LAMA4: variants seen among roughly 807,000 people sequenced by gnomAD.
LAMA4 encodes laminin subunit alpha 4.
A neutral mutation model predicts 207.1 loss-of-function variants in LAMA4; 127 were observed. That is an observed-to-expected ratio of 0.61 (90% CI 0.53 to 0.71). The LOEUF (loss-of-function observed/expected upper bound fraction) is 0.71, where lower values mean the gene tolerates loss of function less well. LAMA4 is among the 30% of genes least tolerant of loss of function. LAMA4 has a pLI of 0.00. For missense variants in LAMA4, 2,093 were observed against 2,246.5 expected (o/e 0.93, Z 1.38); for synonymous variants, 761 against 816.0 (o/e 0.93, Z 1.15).
At chr6:112,177,475 G>C (rs1459044086) in intron 10 of LAMA4, among the ~76,000 whole-genome samples, 2 of 152,146 alleles carry the variant, frequency 1.3e-5, no homozygotes, top group Non-Finnish European at 2.9e-5. Context: ...GAAATCTGCT[G>C]TTTTCTGCTG....
At chr6:112,198,883 G>A (rs1223759416) in intron 5 of LAMA4, among the ~76,000 whole-genome samples, 1 of 152,156 alleles carries the variant, frequency 6.6e-6, no homozygotes, top group African/African-American at 2.4e-5. Flanking sequence ...TCTCATAACA[G>A]TTTTATGAGA....
At chr6:112,214,721 G>A (rs541126702) in intron 3 of LAMA4, among the ~76,000 whole-genome samples, 128 of 152,308 alleles carry the variant, frequency 8.4e-4, no homozygotes, top group Non-Finnish European at 1.4e-3. Context: ...TTCACTGAGT[G>A]CACATGTAAA....
chr6:112,220,411 A>G (rs974255798), intron 2 of LAMA4, among the ~76,000 whole-genome samples: 2 of 152,146 alleles, frequency 1.3e-5, no homozygotes, highest in Admixed American at 1.3e-4. Context: ...TTGTATGTGT[A>G]CTTGCCTAAT....
At chr6:112,202,717 C>G (rs1438569206) in intron 4 of LAMA4, among the ~76,000 whole-genome samples, 1 of 152,210 alleles carries the variant, frequency 6.6e-6, no homozygotes, top group East Asian at 1.9e-4. Flanking sequence ...AACATTCCAA[C>G]AGAATTACAT....
chr6:112,136,314 A>G (rs1779344679), intron 24 of LAMA4, 60 bp from the exon 25 acceptor site: 1 of 1,376,646 alleles, frequency 7.3e-7, no homozygotes, highest in African/African-American at 1.4e-5. Flanking sequence ...AGTCAGATTT[A>G]GCTGAATTTG....
At chr6:112,133,638 T>C in intron 26 of LAMA4, 151 bp from the exon 27 acceptor site, 1 of 995,816 alleles carries the variant, frequency 1.0e-6, no homozygotes, top group Admixed American at 2.0e-5. Context: ...CACACAGCAA[T>C]GTCTAATCTT....
Position 112,139,897 on chromosome 6 carries a change from A to G in LAMA4, c.2977-12T>C. ...AAGCTGGTAGGGAGCTATGCAATAG[A>G]AAAAGTAAAACCACTTGTCTCATGG... is the stretch of plus-strand genomic sequence containing the variant. On this transcript the variant is annotated splice_polypyrimidine_tract_variant and intron_variant, in intron 22 of 38. Transcript: ENST00000230538. 1 of 1,613,612 alleles carries G rather than the reference A, an allele frequency of 6.2e-7. No individual in the cohort carries two copies. The highest frequency in any genetic ancestry group is 8.5e-7 in the Non-Finnish European group (1 of 1,179,758).
At chr6:112,215,530 C>CT (rs11435641) in intron 3 of LAMA4, among the ~76,000 whole-genome samples, 67,328 of 152,022 alleles carry the variant, frequency 0.44, 16,992 homozygotes, top group African/African-American at 0.7. Flanking sequence ...TGGAAAACCT[C>CT]TTTTTGCCAG....
rs1781798259 is a variant in LAMA4 at position 112,172,785 on chromosome 6, G to A, written c.1377C>T (p.Ser459=). 1.9e-6 allele frequency: 3 copies of A among 1,613,820 alleles called. No homozygotes were observed. The African/African-American group carries it at 4.0e-5, about 22-fold the overall frequency. Reference sequence around the variant, plus strand: ...GGGTCTCATTGTGCAGCCGCTGCCAGCTCTCAGCCTGGCTCAGTACTGGGA... The same window carrying A: ...GGGTCTCATTGTGCAGCCGCTGCCAACTCTCAGCCTGGCTCAGTACTGGGA... ...EAYELLSQAE[S]WQRLHNETRT... The change falls in exon 12 of 39, where the codon AGC becomes AGT. Residue 459 remains serine, a synonymous_variant. Coordinates refer to ENST00000230538, the MANE Select transcript of LAMA4 (RefSeq NM_001105206.3).
chr6:112,208,709 A>G (rs782289748), intron 3 of LAMA4, among the ~76,000 whole-genome samples: 6 of 152,212 alleles, frequency 3.9e-5, no homozygotes, highest in Non-Finnish European at 7.3e-5. Flanking sequence ...ATTGAAATAT[A>G]ATATTAATAC....
Position 112,148,295 on chromosome 6 carries a change from C to T in LAMA4, c.2215G>A (p.Glu739Lys), listed in dbSNP as rs727504935. 9 of 1,614,050 alleles carry T rather than the reference C, an allele frequency of 5.6e-6. No homozygotes were observed. The highest frequency in any genetic ancestry group is 2.7e-5 in the African/African-American group (2 of 74,936). The change falls in exon 18 of 39, where the codon GAG becomes AAG. Residue 739 changes from glutamate to lysine, a missense_variant. Coordinates refer to ENST00000230538, the MANE Select transcript of LAMA4 (RefSeq NM_001105206.3). ...TCCATCGTCGTCCTGTTGGCTTCCT[C>T]GGTGATCAGTCTAGACTGCCCCAGG... Reference protein sequence around the residue: ...QRLGQSRLITEEANRTTMEVQ... With the variant: ...QRLGQSRLITKEANRTTMEVQ...
intron 5 of LAMA4, among the ~76,000 whole-genome samples, chr6:112,194,544 T>C (rs1263028746): frequency 1.3e-5 from 2 of 152,202 alleles, no homozygotes; most frequent in East Asian, 3.8e-4. Flanking sequence ...AAAATGAGCA[T>C]ACAAAAGTTT....
At chr6:112,144,761 G>T (rs79135869) in intron 19 of LAMA4, 33 bp downstream of exon 19, 3 of 1,609,610 alleles carry the variant, frequency 1.9e-6, no homozygotes. Context: ...TATTATTACC[G>T]CTGACTGACT....
In LAMA4 at chr6:112,187,521, G is replaced by A; in HGVS notation, c.895C>T (p.Leu299=). 2 of 1,614,122 alleles carry A rather than the reference G, an allele frequency of 1.2e-6. No homozygotes were observed. The highest frequency in any genetic ancestry group is 2.2e-5 in the East Asian group (1 of 44,852). The change falls in exon 8 of 39, where the codon CTG becomes TTG. Residue 299 remains leucine (L), a synonymous_variant. Coordinates refer to ENST00000230538, the MANE Select transcript of LAMA4 (RefSeq NM_001105206.3). The part of the protein sequence containing the change: ...LSIEEGKSGV[L]SVSSGAAAHR... ...GCGGCGGCCCCAGAGGATACGCTCA[G>A]CACCCCGGATTTGCCTTCCTCGATG...
chr6:112,207,030 T>A lies in LAMA4; in HGVS notation c.413A>T (p.His138Leu). The A allele has an allele frequency of 1.2e-6, 2 of 1,613,710 alleles. No homozygotes were observed. Among genetic ancestry groups the A allele is most frequent in the Non-Finnish European group, 1.7e-6 (2 of 1,179,884 alleles). ...FCQPCPCPLP[H>L]LANFAESCYR... ...CTCCTTTAGGACTTACTTGGCCAAG[T>A]GGGGCAGGGGACAGGGGCACGGCTG... Residue 138 changes from histidine to leucine, a missense_variant, in exon 4 of 39, where the codon CAC (histidine) becomes CTC (leucine). By Grantham distance (99) the His-to-Leu change is moderately conservative (BLOSUM62 -3). This residue lies in a region of LAMA4 where 1,704 missense variants were observed against 1,788.4 expected (regional missense o/e 0.95). Transcript: ENST00000230538.
Position 112,155,723 on chromosome 6 carries a change from A to G in LAMA4, c.1818-17T>C. On this transcript the variant is annotated splice_polypyrimidine_tract_variant and intron_variant, in intron 14 of 38. Transcript: ENST00000230538. ...TGCAACTTCCTGTTAATAAACAAAC[A>G]TTGTTATTTCTCCTTCTTACCTTCT... is the stretch of plus-strand genomic sequence containing the variant. 1 of 1,613,572 alleles carries G rather than the reference A, an allele frequency of 6.2e-7. No homozygotes were observed. The highest frequency in any genetic ancestry group is 8.5e-7 in the Non-Finnish European group (1 of 1,179,644).
intron 2 of LAMA4, among the ~76,000 whole-genome samples, chr6:112,221,320 A>G (rs1288056054): frequency 6.6e-6 from 1 of 152,192 alleles, no homozygotes; most frequent in Non-Finnish European, 1.5e-5. Flanking sequence ...TGTGTTTCCA[A>G]CCAAAGATCT....
chr6:112,142,316 T>C, intron 19 of LAMA4, 24 bp from the exon 20 acceptor site: 2 of 1,612,730 alleles, frequency 1.2e-6, no homozygotes, highest in South Asian at 2.2e-5. Context: ...ACGGTTTCAT[T>C]AAAAGTGCTT....
At chr6:112,163,324 T>C (rs1179840212) in intron 13 of LAMA4, among the ~76,000 whole-genome samples, 1 of 151,442 alleles carries the variant, frequency 6.6e-6, no homozygotes, top group African/African-American at 2.4e-5. Context: ...TTTAAACGGT[T>C]GTAAAAAAAA....
Sources: allele counts gnomAD v4.1 joint callset (sites outside exome capture counted in the v4.1 genomes callset), GRCh38; gene constraint gnomAD v4.1.1; regional missense constraint gnomAD v4.1.1; transcripts MANE v1.5; gene names NCBI Gene and HGNC (gene_info 2026-07-23, HGNC 2026-07-21).